Variants in TXLNB observed in about 807,000 individuals in gnomAD.
The protein encoded by TXLNB is beta-taxilin.
Under a neutral mutation model 57.4 loss-of-function variants are expected in TXLNB, and 37 were observed. That is an observed-to-expected ratio of 0.64 (90% CI 0.50 to 0.85). The LOEUF (loss-of-function observed/expected upper bound fraction) is 0.85. Among genes scored for constraint, TXLNB ranks in the 40% least tolerant of loss-of-function variants. The probability of loss-of-function intolerance (pLI) is 0.00; values close to 1 mark genes in which losing one functional copy is unlikely to be tolerated. For synonymous variants in TXLNB, 302 were observed against 309.6 expected (o/e 0.98, Z 0.26); for missense variants, 848 against 825.6 (o/e 1.03, Z -0.33).
Position 139,242,506 on chromosome 6 carries a change from C to A in TXLNB, c.*20G>T. On this transcript the variant is annotated 3_prime_UTR_variant, in exon 10 of 10. Coordinates refer to ENST00000358430, the MANE Select transcript of TXLNB (RefSeq NM_153235.4). ...AATATGCAAAGAGGCAGGAAGAAGC[C>A]TCTGAAGGCACGGTGAGGCTTAGTC... 1 of 1,478,974 alleles carries A rather than the reference C, an allele frequency of 6.8e-7. No homozygotes were observed. The highest frequency in any genetic ancestry group is 9.0e-7 in the Non-Finnish European group (1 of 1,115,640). The allele number at this position is 1,478,974 out of a possible 1,614,324, so 91.6% of individuals were successfully genotyped here. A position where few individuals can be genotyped will look rare whatever the true frequency, so the allele number is the denominator to read the frequency against.
At chr6:139,226,136 T>C in the TXLNB span, among the ~76,000 whole-genome samples, 2 of 151,522 alleles carry the variant, frequency 1.3e-5, no homozygotes, top group South Asian at 2.1e-4. Flanking sequence ...CTGTCTCTAC[T>C]AAGAATACCA....
chr6:139,177,009 C>T, the TXLNB span: 6 of 872,750 alleles, frequency 6.9e-6, no homozygotes, highest in African/African-American at 1.6e-5. The surrounding 1 kb of genome is among the most constrained non-coding windows in gnomAD (Gnocchi z 4.9). Context: ...AGTACTTCTC[C>T]GAATATAGCA....
At chr6:139,212,205 A>G in the TXLNB span, among the ~76,000 whole-genome samples, 1 of 152,230 alleles carries the variant, frequency 6.6e-6, no homozygotes, top group Non-Finnish European at 1.5e-5. Flanking sequence ...AATGAAGGAA[A>G]AAATGTTAAG....
At chr6:139,313,302 G>A in the TXLNB span, among the ~76,000 whole-genome samples, 1 of 152,126 alleles carries the variant, frequency 6.6e-6, no homozygotes, top group African/African-American at 2.4e-5. Context: ...TCGATCTCCT[G>A]ATCTTGTGAT....
At chr6:139,224,617 GTGCCAATAAATA>G in the TXLNB span, among the ~76,000 whole-genome samples, 1,908 of 151,904 alleles carry the variant, frequency 0.013, 31 homozygotes, top group African/African-American at 0.043. Context: ...TAAACAATTT[GTGCCAATAAATA>G]TGAAAATTTA....
the TXLNB span, among the ~76,000 whole-genome samples, chr6:139,226,326 AAG>A: frequency 1.2e-5 from 1 of 85,288 alleles, no homozygotes; most frequent in African/African-American, 3.4e-5. Context: ...AAAAAAAAAA[AAG>A]AGATAGAGAG....
chr6:139,226,296 C>A, the TXLNB span, among the ~76,000 whole-genome samples: 4 of 71,168 alleles, frequency 5.6e-5, no homozygotes, highest in Non-Finnish European at 4.8e-5. Context: ...GAGTGAGACC[C>A]TGTCTCAAAA....
At chr6:139,220,035 C>T in the TXLNB span, among the ~76,000 whole-genome samples, 1 of 152,138 alleles carries the variant, frequency 6.6e-6, no homozygotes, top group Admixed American at 6.5e-5. Context: ...TGTTGAAATC[C>T]TTACTCTCAA....
At chr6:139,267,650 G>T (rs942041168) in intron 4 of TXLNB, among the ~76,000 whole-genome samples, 1 of 152,168 alleles carries the variant, frequency 6.6e-6, no homozygotes, top group Admixed American at 6.5e-5. Context: ...TACATTATAT[G>T]TTAATGGACT....
At chr6:139,238,580 G>A (rs1019090370), downstream of TXLNB, among the ~76,000 whole-genome samples, 2 of 152,172 alleles carry the variant, frequency 1.3e-5, no homozygotes, top group Non-Finnish European at 1.5e-5. Flanking sequence ...CTTAACGTCA[G>A]TATTGAGGAT....
the TXLNB span, among the ~76,000 whole-genome samples, chr6:139,210,469 A>G: frequency 6.6e-6 from 1 of 152,270 alleles, no homozygotes; most frequent in Non-Finnish European, 1.5e-5. Context: ...CTAAATGCCC[A>G]TCAACCAACA....
chr6:139,209,088 G>A, the TXLNB span, among the ~76,000 whole-genome samples: 2 of 152,086 alleles, frequency 1.3e-5, no homozygotes, highest in Admixed American at 6.5e-5. Flanking sequence ...TGAATTCAGC[G>A]ATATTTCAGG....
chr6:139,295,012 T>C (rs1485939533), upstream of TXLNB, among the ~76,000 whole-genome samples: 1 of 152,144 alleles, frequency 6.6e-6, no homozygotes, highest in East Asian at 1.9e-4. Context: ...TTCCATTGTT[T>C]ATTAGTCACT....
At chr6:139,191,978 T>C in the TXLNB span, among the ~76,000 whole-genome samples, 7 of 152,222 alleles carry the variant, frequency 4.6e-5, no homozygotes, top group Non-Finnish European at 7.3e-5. Context: ...ATACAGTTAA[T>C]TCATTTTTTA....
At chr6:139,237,279 A>ATCAGGAGG (rs1249351497), downstream of TXLNB, 1 of 152,152 alleles carries the variant, frequency 6.6e-6, no homozygotes, top group Non-Finnish European at 1.5e-5. Context: ...AGGCAGGCAG[A>ATCAGGAGG]TCAGGAGGTC....
chr6:139,305,134 GT>G, the TXLNB span, among the ~76,000 whole-genome samples: 1 of 152,128 alleles, frequency 6.6e-6, no homozygotes, highest in Non-Finnish European at 1.5e-5. Flanking sequence ...TCACTTTTAA[GT>G]AGAATTGTTC....
chr6:139,173,619 G>A, the TXLNB span, among the ~76,000 whole-genome samples: 2 of 152,154 alleles, frequency 1.3e-5, no homozygotes, highest in African/African-American at 2.4e-5. Flanking sequence ...CAGAAATGTT[G>A]CTGTTATACG....
intron 5 of TXLNB, 34 bp downstream of exon 5, chr6:139,262,545 T>C: frequency 6.4e-7 from 1 of 1,565,472 alleles, no homozygotes; most frequent in Non-Finnish European, 8.7e-7. Flanking sequence ...TCCGGATCTA[T>C]GTACTGTTCT....
the TXLNB span, among the ~76,000 whole-genome samples, chr6:139,230,041 A>C: frequency 6.6e-6 from 1 of 152,050 alleles, no homozygotes; most frequent in Admixed American, 6.6e-5. Context: ...GCTCCCTTTA[A>C]CTTTTGAAGA....
Sources: gnomAD v4.1 joint callset for allele counts (sites outside exome capture counted in the v4.1 genomes callset) on GRCh38, gnomAD v4.1.1 for gene constraint, Gnocchi (gnomAD v3.1) non-coding constraint, MANE v1.5 for transcripts, NCBI Gene and HGNC (gene_info 2026-07-23, HGNC 2026-07-21) for gene names.